The following ZPBP variants were observed in gnomAD, a reference collection of about 807,000 sequenced individuals.
ZPBP encodes the protein zona pellucida binding protein, also known as zona pellucida-binding protein 1.
In ZPBP, 26 loss-of-function variants were observed where a neutral mutation model predicts 44.8. The observed-to-expected ratio is 0.58, with a 90% CI of 0.43 to 0.81. ZPBP has a LOEUF of 0.81. Among genes scored for constraint, ZPBP ranks in the 30% least tolerant of loss-of-function variants. The pLI, the probability that ZPBP is intolerant of heterozygous loss-of-function variation, is 0.00. For synonymous variants in ZPBP, 174 were observed against 153.2 expected, an observed-to-expected ratio of 1.14 and a Z score of -1.00; for missense variants, 409 against 434.0, an observed-to-expected ratio of 0.94 and a Z score of 0.51.
At chr7:50,010,908 C>CA (rs71554292) in intron 6 of ZPBP, among the ~76,000 whole-genome samples, 7,640 of 91,680 alleles carry the variant, frequency 0.083, 349 homozygotes, top group African/African-American at 0.1. Flanking sequence ...CAAGACCAAG[C>CA]AAAAAAAAAA....
At chr7:49,912,183 T>C (rs1404854514) in intron 1 of ZPBP, 4 of 1,613,724 alleles carry the variant, frequency 2.5e-6, no homozygotes, top group Admixed American at 1.7e-5. Context: ...CAGGCAAATG[T>C]AGACGCTTCC....
At chr7:50,046,462 T>TAAAAAAAAAAAAAAAAA (rs1800367228) in intron 4 of ZPBP, among the ~76,000 whole-genome samples, 1 of 149,528 alleles carries the variant, frequency 6.7e-6, no homozygotes. Context: ...AAAAAAAAAA[T>TAAAAAAAAAAAAAAAAA]GGCCATCAAA....
downstream of ZPBP, among the ~76,000 whole-genome samples, chr7:49,847,324 C>T (rs1259461349): frequency 6.6e-6 from 1 of 151,924 alleles, no homozygotes; most frequent in African/African-American, 2.4e-5. Flanking sequence ...CTTTAATCCT[C>T]TATTTCTGAA....
chr7:49,939,983 T>G (rs1214503991), intron 7 of ZPBP, among the ~76,000 whole-genome samples: 4 of 152,190 alleles, frequency 2.6e-5, no homozygotes. Context: ...GGATTTGTGG[T>G]CTCAAACTTG....
intron 4 of ZPBP, among the ~76,000 whole-genome samples, chr7:50,032,085 T>A (rs1485866144): frequency 1.3e-5 from 2 of 152,144 alleles, no homozygotes; most frequent in African/African-American, 4.8e-5. Flanking sequence ...TACCTACACA[T>A]TTAAGCTAAA....
chr7:49,931,096 C>T (rs1794428928), intron 1 of ZPBP, among the ~76,000 whole-genome samples: 1 of 152,196 alleles, frequency 6.6e-6, no homozygotes, highest in African/African-American at 2.4e-5. Flanking sequence ...CATTTGCCTT[C>T]TGTCATGATT....
intron 4 of ZPBP, among the ~76,000 whole-genome samples, chr7:50,040,361 G>GT (rs1425424930): frequency 3.3e-5 from 5 of 152,226 alleles, no homozygotes; most frequent in Non-Finnish European, 7.3e-5. Context: ...AAAACAGACT[G>GT]TAAGTGGCTG....
At chr7:50,066,135 A>G (rs769411933) in intron 3 of ZPBP, among the ~76,000 whole-genome samples, 2 of 150,932 alleles carry the variant, frequency 1.3e-5, no homozygotes, top group African/African-American at 2.5e-5. Flanking sequence ...GTGTTAAACC[A>G]TTGCAGACTG....
At chr7:49,945,976 T>C (rs927637426) in intron 7 of ZPBP, among the ~76,000 whole-genome samples, 1 of 152,042 alleles carries the variant, frequency 6.6e-6, no homozygotes, top group African/African-American at 2.4e-5. Flanking sequence ...TACATATCCG[T>C]TGTGTTTTTT....
At chr7:49,976,524 G>C (rs897776760) in intron 7 of ZPBP, among the ~76,000 whole-genome samples, 1 of 152,064 alleles carries the variant, frequency 6.6e-6, no homozygotes. Flanking sequence ...TTCTATCCAT[G>C]ATAGAAAGGA....
chr7:49,878,234 C>T (rs1337987821), intron 2 of ZPBP, among the ~76,000 whole-genome samples: 2 of 152,156 alleles, frequency 1.3e-5, no homozygotes, highest in East Asian at 1.9e-4. Context: ...GTATTTTAAA[C>T]ACAGCACACT....
chr7:50,025,453 T>G (rs1035547549), intron 5 of ZPBP, among the ~76,000 whole-genome samples: 1 of 151,756 alleles, frequency 6.6e-6, no homozygotes, highest in Non-Finnish European at 1.5e-5. Flanking sequence ...CCAATGTAAG[T>G]GAACAGAAAT....
intron 7 of ZPBP, among the ~76,000 whole-genome samples, chr7:49,954,263 C>G (rs954271980): frequency 2.0e-5 from 3 of 151,922 alleles, no homozygotes; most frequent in African/African-American, 7.3e-5. Flanking sequence ...GAAGTTGAAC[C>G]CCTACTTCAT....
At chr7:49,947,805 T>C (rs1304481377) in intron 7 of ZPBP, among the ~76,000 whole-genome samples, 1 of 152,222 alleles carries the variant, frequency 6.6e-6, no homozygotes, top group Admixed American at 6.5e-5. Flanking sequence ...TGTTGGTAAG[T>C]TTCTTCCAGC....
rs910287311 is a variant in ZPBP at position 50,090,974 on chromosome 7, AT to A, written c.128-1266del. 1.9e-3 allele frequency among the ~76,000 whole-genome samples: 280 copies of A among 145,702 alleles called. 1 individual carries two copies. The highest frequency in any genetic ancestry group is 6.0e-3 in the African/African-American group (240 of 39,842). On this transcript the variant is annotated intron_variant, in intron 1 of 7. Coordinates refer to ENST00000046087, the MANE Select transcript of ZPBP (RefSeq NM_007009.3). ...TTTCACTGCATCCACACCAACATCT[AT>A]TTTTTTTTTTATTTTTTGATTATGG...
chr7:50,068,142 C>G (rs939990797), intron 3 of ZPBP, among the ~76,000 whole-genome samples: 1 of 152,008 alleles, frequency 6.6e-6, no homozygotes, highest in Non-Finnish European at 1.5e-5. Flanking sequence ...CTCTTTGTGG[C>G]TTTGTATAAT....
intron 7 of ZPBP, among the ~76,000 whole-genome samples, chr7:49,953,599 A>C (rs1363187387): frequency 6.6e-6 from 1 of 152,102 alleles, no homozygotes; most frequent in Non-Finnish European, 1.5e-5. Flanking sequence ...TTGTGAAAAC[A>C]AAGACTCAGA....
At chr7:49,911,921 A>G (rs938240458) in intron 1 of ZPBP, 36 of 743,152 alleles carry the variant, frequency 4.8e-5, no homozygotes, top group Non-Finnish European at 6.3e-5. Flanking sequence ...AAACAAATAC[A>G]CGCACACACA....
intron 3 of ZPBP, 59 bp downstream of exon 3, chr7:50,081,715 T>C: frequency 6.3e-7 from 1 of 1,585,440 alleles, no homozygotes; most frequent in South Asian, 1.1e-5. Flanking sequence ...ACATTCTTTT[T>C]GTGTTGCACA....
Sources: gnomAD v4.1 joint callset for allele counts (sites outside exome capture counted in the v4.1 genomes callset) on GRCh38, gnomAD v4.1.1 for gene constraint, MANE v1.5 for transcripts, NCBI Gene and HGNC (gene_info 2026-07-23, HGNC 2026-07-21) for gene names.